The following CCDC93 variants were observed in gnomAD, a reference collection of about 807,000 sequenced individuals.
CCDC93 encodes coiled-coil domain-containing protein 93.
Under a neutral mutation model 108.2 loss-of-function variants are expected in CCDC93, and 61 were observed. The ratio of observed to expected loss-of-function variants is 0.56; its 90% confidence interval spans 0.46 to 0.70. CCDC93 has a LOEUF of 0.70. Ranked by LOEUF, CCDC93 falls within the 30% of genes least tolerant of loss-of-function variation. The pLI, the probability that CCDC93 is intolerant of heterozygous loss-of-function variation, is 0.00. For missense variants in CCDC93, 685 were observed against 764.2 expected, an observed-to-expected ratio of 0.90 and a Z score of 1.22; for synonymous variants, 276 against 260.4, an observed-to-expected ratio of 1.06 and a Z score of -0.58.
chr2:117,958,320 C>T (rs760377172), intron 12 of CCDC93, 45 bp downstream of exon 12: 1 of 1,260,092 alleles, frequency 7.9e-7, no homozygotes, highest in Non-Finnish European at 1.2e-6. Flanking sequence ...TTTAACCAAT[C>T]TACCATGAAG....
At chr2:117,960,195 G>A (rs1034614019) in intron 11 of CCDC93, among the ~76,000 whole-genome samples, 5 of 152,122 alleles carry the variant, frequency 3.3e-5, no homozygotes, top group African/African-American at 9.7e-5. Flanking sequence ...TTTACTAGCC[G>A]AATTACATAA....
At chr2:117,951,066 G>C (rs1336144402) in intron 13 of CCDC93, 14 of 888,242 alleles carry the variant, frequency 1.6e-5, no homozygotes, top group Non-Finnish European at 1.8e-5. Flanking sequence ...AGTATAAAAA[G>C]CTCCTTTATA....
chr2:117,931,307 C>T, intron 22 of CCDC93, 157 bp from the exon 23 acceptor site: 2 of 575,548 alleles, frequency 3.5e-6, no homozygotes, highest in Non-Finnish European at 6.1e-6. Context: ...AATTTATTTG[C>T]ATATTACATG....
chr2:117,920,482 ATCCC>A, intron 23 of CCDC93, 86 bp from the exon 24 acceptor site: 32 of 906,922 alleles, frequency 3.5e-5, no homozygotes, highest in Non-Finnish European at 5.2e-5. Context: ...CCCTTCCCAT[ATCCC>A]TATGGGAGAC....
At chr2:117,945,354 C>A (rs557415274) in intron 17 of CCDC93, among the ~76,000 whole-genome samples, 175 bp downstream of exon 17, 6 of 152,314 alleles carry the variant, frequency 3.9e-5, no homozygotes, top group African/African-American at 9.6e-5. Flanking sequence ...CCTGGTGAGA[C>A]CCTGCCTCCA....
chr2:117,975,032 G>T, intron 9 of CCDC93, 132 bp from the exon 10 acceptor site: 1 of 1,042,236 alleles, frequency 9.6e-7, no homozygotes, highest in Non-Finnish European at 1.5e-6. Flanking sequence ...GAGCCTCAAA[G>T]GCAGGTGATA....
intron 7 of CCDC93, among the ~76,000 whole-genome samples, chr2:117,979,007 CA>C (rs777145905): frequency 2.2e-4 from 33 of 152,044 alleles, no homozygotes; most frequent in Non-Finnish European, 4.3e-4. Context: ...GACTCTGTCT[CA>C]AAAATAAATA....
chr2:117,949,485 T>C, intron 13 of CCDC93, 90 bp from the exon 14 acceptor site: 1 of 942,400 alleles, frequency 1.1e-6, no homozygotes, highest in East Asian at 2.4e-5. Context: ...ATAATGACAC[T>C]TTTTAAAGAA....
At chr2:117,953,439 A>G (rs530074479) in intron 12 of CCDC93, among the ~76,000 whole-genome samples, 1 of 152,336 alleles carries the variant, frequency 6.6e-6, no homozygotes, top group South Asian at 2.1e-4. Flanking sequence ...CATCTGTGCA[A>G]TGACAACTTT....
At chr2:117,930,745 C>G (rs1678299049) in intron 23 of CCDC93, 1 of 228,282 alleles carries the variant, frequency 4.4e-6, no homozygotes, top group Non-Finnish European at 8.5e-6. Flanking sequence ...TCCAAGTGGC[C>G]CTTGATACGG....
chr2:117,946,819 C>G lies in CCDC93; in HGVS notation c.1288G>C (p.Asp430His). ...TAATTCAGAGCCTTTACCTTTTCATCTCCACGTGGTGCTCTCTCAGCTTTC... is the reference window on the plus strand; with the variant it reads ...TAATTCAGAGCCTTTACCTTTTCATGTCCACGTGGTGCTCTCTCAGCTTTC... ...NLKAERAPRG[D>H]EKTLSSGEPP... Residue 430 changes from aspartate to histidine, a missense_variant, in exon 16 of 24, where the codon GAT becomes CAT. Coordinates refer to ENST00000376300, the MANE Select transcript of CCDC93 (RefSeq NM_019044.5). 6.2e-7 allele frequency: 1 copy of G among 1,611,952 alleles called. No homozygotes were observed. Among genetic ancestry groups the G allele is most frequent in the Non-Finnish European group, 8.5e-7 (1 of 1,177,940 alleles).
intron 22 of CCDC93, among the ~76,000 whole-genome samples, chr2:117,932,886 C>T (rs1678393841): frequency 6.6e-6 from 1 of 152,224 alleles, no homozygotes; most frequent in Admixed American, 6.5e-5. Context: ...GTCCCTCTCT[C>T]TTATTAGGAC....
chr2:117,968,442 A>AC (rs1002351868), intron 11 of CCDC93, among the ~76,000 whole-genome samples: 1 of 152,166 alleles, frequency 6.6e-6, no homozygotes, highest in Non-Finnish European at 1.5e-5. Flanking sequence ...GAAGGGTGTT[A>AC]CCCTTTGGAA....
Position 117,920,294 on chromosome 2 carries a change from AC to A in CCDC93, c.*48del. On this transcript the variant is annotated 3_prime_UTR_variant, in exon 24 of 24. Coordinates refer to ENST00000376300, the MANE Select transcript of CCDC93 (RefSeq NM_019044.5). ...CATTTCATGATCTTGTAGGTGATAT[AC>A]GGTGCTTAAAAGTAAAATCAATGAC... 7.6e-7 allele frequency: 1 copy of A among 1,308,064 alleles called. No homozygotes were observed. The highest frequency in any genetic ancestry group is 1.1e-6 in the Non-Finnish European group (1 of 904,476). The allele number at this position is 1,308,064 out of a possible 1,614,324, so 81.0% of individuals were successfully genotyped here.
chr2:117,921,237 T>C (rs1677859465), intron 23 of CCDC93, among the ~76,000 whole-genome samples: 1 of 150,388 alleles, frequency 6.6e-6, no homozygotes, highest in South Asian at 2.1e-4. Flanking sequence ...ATGAAATCAA[T>C]GGCACGTGCT....
chr2:117,955,739 G>C (rs912104862), intron 12 of CCDC93, among the ~76,000 whole-genome samples: 2 of 152,110 alleles, frequency 1.3e-5, no homozygotes, highest in Non-Finnish European at 2.9e-5. Flanking sequence ...TAATTACTAA[G>C]CAGTAACAAA....
At position 117,974,870 on chromosome 2, in the gene CCDC93, T is replaced by C; in HGVS notation, c.781A>G (p.Thr261Ala). ...CTCACCTCCTCATTTGCCATAGCGGTCATCTTGGTCATCAGCGACTGAATA... is the reference window on the plus strand; with the variant it reads ...CTCACCTCCTCATTTGCCATAGCGGCCATCTTGGTCATCAGCGACTGAATA... ...QRIQSLMTKM[T>A]AMANEESRLT... The change falls in exon 10 of 24, where the codon ACC (threonine) becomes GCC (alanine). Residue 261 changes from threonine to alanine, a missense_variant. By Grantham distance (58) the Thr-to-Ala change is moderately conservative. Transcript: ENST00000376300. 6.4e-7 allele frequency: 1 copy of C among 1,570,244 alleles called. No homozygotes were observed. Among genetic ancestry groups the C allele is most frequent in the Non-Finnish European group, 8.6e-7 (1 of 1,156,898 alleles).
At chr2:117,933,553 G>A (rs1035483393) in intron 22 of CCDC93, among the ~76,000 whole-genome samples, 2 of 152,092 alleles carry the variant, frequency 1.3e-5, no homozygotes, top group Non-Finnish European at 2.9e-5. Flanking sequence ...CTCAGACGGG[G>A]CATAAACACC....
chr2:117,941,068 C>T lies in CCDC93; in HGVS notation c.1522+121G>A, dbSNP rs910197428. The T allele has an allele frequency of 1.4e-5, 10 of 694,826 alleles. No homozygotes were observed. In the South Asian group the frequency reaches 1.7e-4, roughly 12 times the overall value. The allele number at this position is 694,826 out of a possible 1,614,324, so 43.0% of individuals were successfully genotyped here. On this transcript the variant is annotated intron_variant, in intron 19 of 23. Coordinates refer to ENST00000376300, the MANE Select transcript of CCDC93 (RefSeq NM_019044.5). ...AAGTGGGCCTGCTGATGAAACGGAG[C>T]TTTCCGGTGGTGGCCTTTGTGGACT...
Sources: gnomAD v4.1 joint callset for allele counts (sites outside exome capture counted in the v4.1 genomes callset) on GRCh38, gnomAD v4.1.1 for gene constraint, MANE v1.5 for transcripts, NCBI Gene and HGNC (gene_info 2026-07-23, HGNC 2026-07-21) for gene names.